The following TCF4 variants were observed in gnomAD, a reference collection of about 807,000 sequenced individuals.
TCF4 encodes the protein SL3-3 enhancer factor 2.
In TCF4, 3 loss-of-function variants were observed where a neutral mutation model predicts 82.1. The observed-to-expected ratio is 0.04, with a 90% confidence interval of 0.02 to 0.09. The LOEUF is 0.09. TCF4 is among the 10% of genes least tolerant of loss of function. The pLI is 1.00. For synonymous variants in TCF4, 276 were observed against 309.6 expected (o/e 0.89, Z 1.14); for missense variants, 518 against 852.7 (o/e 0.61, Z 4.89).
intron 5 of TCF4, among the ~76,000 whole-genome samples, chr18:55,456,365 G>A (rs959763609): frequency 6.6e-6 from 1 of 152,156 alleles, no homozygotes; most frequent in African/African-American, 2.4e-5. Flanking sequence ...ACCATGAGTA[G>A]GACTAGAACC....
At chr18:55,288,741 A>G (rs191627568) in intron 8 of TCF4, among the ~76,000 whole-genome samples, 88 of 152,342 alleles carry the variant, frequency 5.8e-4, no homozygotes, top group African/African-American at 1.9e-3. Flanking sequence ...TCTTCCAGAC[A>G]TGAAGTTGAG....
chr18:55,625,531 C>T (rs1034930158), intron 2 of TCF4, among the ~76,000 whole-genome samples: 2 of 152,122 alleles, frequency 1.3e-5, no homozygotes, highest in African/African-American at 4.8e-5. Flanking sequence ...GCCACTGTGC[C>T]CAGCCAAGCT....
At chr18:55,237,252 T>G (rs1490212713) in intron 15 of TCF4, among the ~76,000 whole-genome samples, 3 of 152,126 alleles carry the variant, frequency 2.0e-5, no homozygotes, top group Admixed American at 6.6e-5. Context: ...TTTGTCTCTA[T>G]TTTGTTAAAA....
chr18:55,235,950 A>G (rs1468038269), intron 15 of TCF4, among the ~76,000 whole-genome samples: 1 of 152,200 alleles, frequency 6.6e-6, no homozygotes, highest in Non-Finnish European at 1.5e-5. Context: ...AGGACCTAAT[A>G]AGCACATGCT....
intron 10 of TCF4, among the ~76,000 whole-genome samples, chr18:55,271,487 T>C (rs909882444): frequency 1.3e-5 from 2 of 152,132 alleles, no homozygotes; most frequent in Admixed American, 1.3e-4. Flanking sequence ...AATCTACGTA[T>C]TAGAGGTAGG....
chr18:55,228,728 C>A, intron 18 of TCF4, 119 bp downstream of exon 18: 2 of 1,075,726 alleles, frequency 1.9e-6, no homozygotes, highest in Non-Finnish European at 2.8e-6. Context: ...GGAAACAATT[C>A]TTTGGAATGA....
intron 5 of TCF4, among the ~76,000 whole-genome samples, chr18:55,438,646 T>C (rs2095379706): frequency 1.3e-5 from 2 of 152,056 alleles, no homozygotes; most frequent in African/African-American, 4.8e-5. Flanking sequence ...GTAGGAAAGG[T>C]AGCACTGGAG....
intron 3 of TCF4, among the ~76,000 whole-genome samples, chr18:55,488,627 A>G (rs998565058): frequency 2.0e-5 from 3 of 152,190 alleles, no homozygotes; most frequent in African/African-American, 7.2e-5. Flanking sequence ...TAGGGTTTCT[A>G]ATGATTCCAA....
chr18:55,500,842 A>T (rs12327270), intron 3 of TCF4, among the ~76,000 whole-genome samples: 1 of 152,118 alleles, frequency 6.6e-6, no homozygotes, highest in Non-Finnish European at 1.5e-5. Flanking sequence ...TTATATCACA[A>T]AGAATGAGCT....
chr18:55,622,333 C>G (rs1157434352), intron 2 of TCF4, among the ~76,000 whole-genome samples: 1 of 150,566 alleles, frequency 6.6e-6, no homozygotes, highest in Non-Finnish European at 1.5e-5. Context: ...AGGGTGAAAC[C>G]CCGTCTCTAC....
At chr18:55,508,884 T>C (rs546473360) in intron 3 of TCF4, among the ~76,000 whole-genome samples, 2 of 152,354 alleles carry the variant, frequency 1.3e-5, no homozygotes, top group East Asian at 1.9e-4. Flanking sequence ...TTAGAAATTA[T>C]GTGCTGACTT....
At chr18:55,306,612 G>A (rs1420529366) in intron 8 of TCF4, among the ~76,000 whole-genome samples, 1 of 152,200 alleles carries the variant, frequency 6.6e-6, no homozygotes, top group African/African-American at 2.4e-5. Context: ...CATGAAAGAG[G>A]TGTCTGGTGT....
chr18:55,278,315 T>C (rs1221435418), intron 9 of TCF4, among the ~76,000 whole-genome samples: 1 of 152,166 alleles, frequency 6.6e-6, no homozygotes, highest in Non-Finnish European at 1.5e-5. Flanking sequence ...AGACAAGGCT[T>C]ATACAAATAA....
chr18:55,381,885 T>C (rs1408577286), intron 6 of TCF4, among the ~76,000 whole-genome samples: 2 of 151,672 alleles, frequency 1.3e-5, no homozygotes, highest in Non-Finnish European at 2.9e-5. Context: ...TGATGATCTT[T>C]AAGGTATCAA....
intron 6 of TCF4, among the ~76,000 whole-genome samples, chr18:55,389,917 T>C (rs1401266428): frequency 6.6e-6 from 1 of 151,870 alleles, no homozygotes; most frequent in Non-Finnish European, 1.5e-5. Flanking sequence ...TGAGGACTTT[T>C]GGAGATGAGG....
chr18:55,622,024 C>CTA (rs1435536479), intron 2 of TCF4, among the ~76,000 whole-genome samples: 1 of 131,382 alleles, frequency 7.6e-6, no homozygotes, highest in Non-Finnish European at 1.5e-5. Flanking sequence ...ATTATATACA[C>CTA]TATATATTAT....
intron 5 of TCF4, among the ~76,000 whole-genome samples, chr18:55,418,347 T>C (rs1445699367): frequency 6.6e-6 from 1 of 152,140 alleles, no homozygotes; most frequent in Non-Finnish European, 1.5e-5. Flanking sequence ...AACACATTTT[T>C]TTCTGGTGGT....
intron 3 of TCF4, among the ~76,000 whole-genome samples, chr18:55,529,053 C>T (rs1463755320): frequency 6.6e-6 from 1 of 152,172 alleles, no homozygotes; most frequent in Non-Finnish European, 1.5e-5. Flanking sequence ...TGGCAGGTGC[C>T]TGTAATCTCA....
chr18:55,376,018 CTTTTTTTTTT>C (rs772990901), intron 6 of TCF4, among the ~76,000 whole-genome samples: 2 of 122,762 alleles, frequency 1.6e-5, no homozygotes, highest in South Asian at 2.5e-4. Context: ...TTTTCTTCTC[CTTTTTTTTTT>C]TTTTTTTTTT....
Sources: allele counts gnomAD v4.1 joint callset (sites outside exome capture counted in the v4.1 genomes callset), GRCh38; gene constraint gnomAD v4.1.1; transcripts MANE v1.5; gene names NCBI Gene and HGNC (gene_info 2026-07-23, HGNC 2026-07-21).